The following KHDRBS2 variants were observed in gnomAD, a reference collection of about 807,000 sequenced individuals.
KHDRBS2 encodes KH RNA binding domain containing, signal transduction associated 2, also known as KH domain-containing, RNA-binding, signal transduction-associated protein 2.
A neutral mutation model predicts 44.3 loss-of-function variants in KHDRBS2; 26 were observed. That is an observed-to-expected ratio of 0.59 (90% CI 0.43 to 0.81). KHDRBS2 has a LOEUF of 0.81. KHDRBS2 is among the 40% of genes least tolerant of loss of function. The probability of loss-of-function intolerance (pLI) is 0.00; values close to 1 mark genes in which losing one functional copy is unlikely to be tolerated. For missense variants in KHDRBS2, 476 were observed against 433.1 expected (o/e 1.10, Z -0.88); for synonymous variants, 194 against 151.1 (o/e 1.28, Z -2.08).
At chr6:61,918,714 C>G (rs568870356) in intron 4 of KHDRBS2, among the ~76,000 whole-genome samples, 2 of 152,052 alleles carry the variant, frequency 1.3e-5, no homozygotes, top group East Asian at 3.9e-4. Context: ...TCAATGTGCT[C>G]TTTCTGAGAA....
chr6:61,714,827 T>C (rs1358117240), intron 7 of KHDRBS2, among the ~76,000 whole-genome samples: 3 of 151,864 alleles, frequency 2.0e-5, no homozygotes, highest in Non-Finnish European at 4.4e-5. Flanking sequence ...TTCTCCCTTA[T>C]AAGTAGAGCT....
At chr6:62,027,969 C>T (rs1783675794) in intron 3 of KHDRBS2, among the ~76,000 whole-genome samples, 1 of 152,094 alleles carries the variant, frequency 6.6e-6, no homozygotes, top group East Asian at 1.9e-4. Context: ...TAGGAATCTC[C>T]AGTTTGTAGC....
Position 61,889,786 on chromosome 6 carries a change from A to G in KHDRBS2, c.810+4849T>C, listed in dbSNP as rs140145422. On this transcript the variant is annotated intron_variant, in intron 6 of 8. Coordinates refer to ENST00000281156, the MANE Select transcript of KHDRBS2 (RefSeq NM_152688.4). ...ATGAATTGGCCTGTCCACTGCCCCAATGTTATTTGCTACCTCTCCCTCACA... is the reference window on the plus strand; with the variant it reads ...ATGAATTGGCCTGTCCACTGCCCCAGTGTTATTTGCTACCTCTCCCTCACA... 8.1e-4 allele frequency among the ~76,000 whole-genome samples: 123 copies of G among 152,182 alleles called. 4 individuals carry two copies. In the East Asian group the frequency reaches 0.017, roughly 22 times the overall value.
At chr6:61,781,593 A>G (rs946814066) in intron 6 of KHDRBS2, among the ~76,000 whole-genome samples, 4 of 152,074 alleles carry the variant, frequency 2.6e-5, no homozygotes, top group Admixed American at 6.6e-5. Context: ...TGTTTATTTC[A>G]TTTATGTATT....
chr6:62,030,843 C>T (rs1460220240), intron 3 of KHDRBS2, among the ~76,000 whole-genome samples: 4 of 152,076 alleles, frequency 2.6e-5, no homozygotes, highest in South Asian at 4.1e-4. Context: ...TATAAATCGT[C>T]ATAGTAGCCT....
the KHDRBS2 span, among the ~76,000 whole-genome samples, chr6:61,662,434 A>C: frequency 0.024 from 3,721 of 152,050 alleles, 70 homozygotes; most frequent in Middle Eastern, 0.082. Flanking sequence ...TGCACAGCAA[A>C]AGAAACTACC....
At chr6:62,214,821 C>T (rs1369296172) in intron 1 of KHDRBS2, among the ~76,000 whole-genome samples, 1 of 151,948 alleles carries the variant, frequency 6.6e-6, no homozygotes, top group Non-Finnish European at 1.5e-5. Context: ...CTTTCTGTAA[C>T]ATATCACAAT....
Position 62,285,897 on chromosome 6 carries a change from C to T in KHDRBS2, c.52G>A (p.Asp18Asn), listed in dbSNP as rs867770141. 1.7e-5 allele frequency: 27 copies of T among 1,613,380 alleles called. No homozygotes were observed. In the African/African-American group the frequency reaches 3.2e-4, roughly 19 times the overall value. ...PELMAEKDSL[D>N]PSFVHASRLL... ...CGCGACGCATGCACAAAAGATGGATCCAGGCTATCTTTCTCTGCCATCAGC... is the reference window on the plus strand; with the variant it reads ...CGCGACGCATGCACAAAAGATGGATTCAGGCTATCTTTCTCTGCCATCAGC... Residue 18 changes from aspartate to asparagine, a missense_variant, in exon 1 of 9, where the codon GAT (aspartate) becomes AAT (asparagine). Coordinates refer to ENST00000281156, the MANE Select transcript of KHDRBS2 (RefSeq NM_152688.4).
chr6:62,225,744 G>T (rs1831680945), intron 1 of KHDRBS2, among the ~76,000 whole-genome samples: 1 of 147,200 alleles, frequency 6.8e-6, no homozygotes, highest in Non-Finnish European at 1.5e-5. Flanking sequence ...TTGTCCATGT[G>T]TTCTCATTGT....
At chr6:61,767,277 C>A (rs1338110582) in intron 6 of KHDRBS2, among the ~76,000 whole-genome samples, 6 of 151,884 alleles carry the variant, frequency 4.0e-5, no homozygotes, top group Non-Finnish European at 5.9e-5. Flanking sequence ...GCTAGCTACT[C>A]CTCCTCTTTT....
intron 4 of KHDRBS2, among the ~76,000 whole-genome samples, chr6:61,948,337 T>G (rs1272776378): frequency 6.6e-6 from 1 of 152,150 alleles, no homozygotes; most frequent in African/African-American, 2.4e-5. Flanking sequence ...ATTTTTAAGC[T>G]ATAATAATTG....
At chr6:61,889,988 A>G (rs1300058307) in intron 6 of KHDRBS2, among the ~76,000 whole-genome samples, 2 of 152,206 alleles carry the variant, frequency 1.3e-5, no homozygotes, top group East Asian at 1.9e-4. Context: ...CACTTCAGAG[A>G]GACCTTCCCT....
chr6:61,825,973 G>A (rs942482555), intron 6 of KHDRBS2, among the ~76,000 whole-genome samples: 6 of 152,078 alleles, frequency 3.9e-5, no homozygotes, highest in African/African-American at 7.2e-5. Flanking sequence ...TGCTAGATTC[G>A]GATGCCAACA....
intron 6 of KHDRBS2, among the ~76,000 whole-genome samples, chr6:61,812,601 C>A (rs1457863328): frequency 6.6e-6 from 1 of 151,848 alleles, no homozygotes; most frequent in Non-Finnish European, 1.5e-5. Flanking sequence ...CTTTTAATGG[C>A]TAATACCTTT....
Position 62,068,620 on chromosome 6 carries a change from T to G in KHDRBS2, c.220-20626A>C, listed in dbSNP as rs79082422. 1.4e-3 allele frequency among the ~76,000 whole-genome samples: 218 copies of G among 151,730 alleles called. 1 individual carries two copies. Among genetic ancestry groups the G allele is most frequent in the African/African-American group, 4.9e-3 (204 of 41,498 alleles). Reference sequence around the variant, plus strand: ...CCTATGATTTCCTACAAGAATCATATAGTTTTAACTCATATATTAAGATCT... The same window carrying G: ...CCTATGATTTCCTACAAGAATCATAGAGTTTTAACTCATATATTAAGATCT... On this transcript the variant is annotated intron_variant, in intron 2 of 8. Transcript: ENST00000281156.
intron 2 of KHDRBS2, among the ~76,000 whole-genome samples, chr6:62,086,245 T>G (rs190110872): frequency 6.6e-6 from 1 of 152,190 alleles, no homozygotes; most frequent in East Asian, 1.9e-4. Flanking sequence ...AAAAGAAGAC[T>G]AGGGAAATGA....
chr6:62,162,153 C>T (rs558532777), intron 2 of KHDRBS2, among the ~76,000 whole-genome samples: 44 of 151,984 alleles, frequency 2.9e-4, no homozygotes, highest in African/African-American at 9.9e-4. Flanking sequence ...TTTATAATTG[C>T]TCTTTATTTA....
intron 2 of KHDRBS2, 37 bp downstream of exon 2, chr6:62,177,148 A>C (rs1339966158): frequency 1.7e-6 from 2 of 1,206,274 alleles, no homozygotes; most frequent in Non-Finnish European, 2.3e-6. Context: ...ATCATTTCTA[A>C]ATCAATTATA....
In KHDRBS2 at chr6:62,160,960, T is replaced by G. The variant is rs1817496602; in HGVS notation, c.219+16225A>C. On this transcript the variant is annotated intron_variant, in intron 2 of 8. Coordinates refer to ENST00000281156, the MANE Select transcript of KHDRBS2 (RefSeq NM_152688.4). ...CTTGAAACTGAAACTCTATATCCAC[T>G]GAACAATAACTCTCCACTCATCCCG... Among the ~76,000 whole-genome samples, 2 of 152,136 alleles carry G rather than the reference T, an allele frequency of 1.3e-5. 1 individual carries two copies. Among genetic ancestry groups the G allele is most frequent in the South Asian group, 4.1e-4 (2 of 4,832 alleles).
Sources: gnomAD v4.1 joint callset for allele counts (sites outside exome capture counted in the v4.1 genomes callset) on GRCh38, gnomAD v4.1.1 for gene constraint, MANE v1.5 for transcripts, NCBI Gene and HGNC (gene_info 2026-07-23, HGNC 2026-07-21) for gene names.